Variants in EFCAB14 observed in about 807,000 individuals in gnomAD.
The protein encoded by EFCAB14 is EF-hand calcium-binding domain-containing protein 14.
Under a neutral mutation model 56.5 loss-of-function variants are expected in EFCAB14, and 43 were observed. That is an observed-to-expected ratio of 0.76 (90% confidence interval 0.60 to 0.98). EFCAB14 has a LOEUF of 0.98. EFCAB14 is among the 50% of genes least tolerant of loss of function. The probability of loss-of-function intolerance (pLI) is 0.00; values close to 1 mark genes in which losing one functional copy is unlikely to be tolerated. For missense variants in EFCAB14, 538 were observed against 580.3 expected (o/e 0.93, Z 0.75); for synonymous variants, 235 against 212.9 (o/e 1.10, Z -0.90).
intron 3 of EFCAB14, among the ~76,000 whole-genome samples, chr1:46,706,690 A>C (rs887379641): frequency 5.9e-5 from 9 of 152,112 alleles, no homozygotes; most frequent in African/African-American, 2.2e-4. Context: ...CCTTTTTGCA[A>C]AAAAGGGGTG....
intron 9 of EFCAB14, 136 bp from the exon 10 acceptor site, chr1:46,683,561 G>C: frequency 1.1e-6 from 1 of 946,168 alleles, no homozygotes; most frequent in South Asian, 1.8e-5. Flanking sequence ...GTAGCATAGT[G>C]ACTATGTGAA....
At chr1:46,698,033 G>A (rs1326401592) in intron 3 of EFCAB14, among the ~76,000 whole-genome samples, 1 of 151,962 alleles carries the variant, frequency 6.6e-6, no homozygotes, top group Non-Finnish European at 1.5e-5. Context: ...TGCATTTTTA[G>A]TAAAGATAGG....
chr1:46,683,623 A>G (rs1676832149), intron 9 of EFCAB14, among the ~76,000 whole-genome samples, 198 bp from the exon 10 acceptor site: 1 of 152,224 alleles, frequency 6.6e-6, no homozygotes, highest in Non-Finnish European at 1.5e-5. Context: ...ACCAATCAGT[A>G]TTATATTACG....
rs1442861274 is a variant in EFCAB14, at chr1:46,708,005, A to C, written c.381T>G (p.Asn127Lys). 4.3e-6 allele frequency: 7 copies of C among 1,612,652 alleles called. No homozygotes were observed. The highest frequency in any genetic ancestry group is 5.9e-6 in the Non-Finnish European group (7 of 1,179,684). Residue 127 changes from asparagine (N) to lysine (K), a missense_variant, in exon 3 of 11, where the codon AAT (asparagine) becomes AAG (lysine). Physicochemically the swap from Asn to Lys is moderately conservative, Grantham distance 94. Transcript: ENST00000371933. ...KSSFQEIPKLNEELLSKQKQL... is the reference protein window; with the variant it reads ...KSSFQEIPKLKEELLSKQKQL... ...GTTTTTGCTTGCTGAGTAGTTCTTC[A>C]TTAAGTTTGGGGATTTCTTGGAATG...
intron 3 of EFCAB14, among the ~76,000 whole-genome samples, chr1:46,697,132 A>T (rs1207542900): frequency 6.6e-6 from 1 of 152,212 alleles, no homozygotes; most frequent in African/African-American, 2.4e-5. Flanking sequence ...GTCTACAGGA[A>T]CTGCACTCTG....
In EFCAB14 at chr1:46,708,331, C is replaced by T. The variant is rs557727740; in HGVS notation, c.335-280G>A. Among the ~76,000 whole-genome samples the T allele has an allele frequency of 1.5e-4, 23 of 152,310 alleles. No homozygotes were observed. In the South Asian group the frequency reaches 4.8e-3, roughly 32 times the overall value. ...CTTTGAATCTCAATTTTGTGACTCA[C>T]TATGATCTTGAGCAAATTACTCAAA... On this transcript the variant is annotated intron_variant, in intron 2 of 10. Transcript: ENST00000371933.
At chr1:46,698,459 C>G (rs1329488335) in intron 3 of EFCAB14, among the ~76,000 whole-genome samples, 1 of 151,820 alleles carries the variant, frequency 6.6e-6, no homozygotes, top group Non-Finnish European at 1.5e-5. Flanking sequence ...GTGGGAAGCA[C>G]TAGAAAAAAA....
At position 46,701,318 on chromosome 1, in the gene EFCAB14, G is replaced by A. The variant is rs556054897; in HGVS notation, c.481-4669C>T. ...TCCTGCCCCAGGTATGTTTTCCTTA[G>A]TGCCCCAAAGTATGTACACAGTTGG... On this transcript the variant is annotated intron_variant, in intron 3 of 10. Coordinates refer to ENST00000371933, the MANE Select transcript of EFCAB14 (RefSeq NM_014774.3). 2.0e-5 allele frequency among the ~76,000 whole-genome samples: 3 copies of A among 152,196 alleles called. No individual in the cohort carries two copies. In the South Asian group the frequency reaches 6.2e-4, roughly 32 times the overall value.
At chr1:46,701,127 T>G (rs1209101389) in intron 3 of EFCAB14, among the ~76,000 whole-genome samples, 1 of 152,074 alleles carries the variant, frequency 6.6e-6, no homozygotes, top group Non-Finnish European at 1.5e-5. Context: ...CTTAAGAAAT[T>G]TTTAAAAAGA....
intron 2 of EFCAB14, among the ~76,000 whole-genome samples, chr1:46,715,996 C>T (rs1677382684): frequency 6.6e-6 from 1 of 152,002 alleles, no homozygotes; most frequent in African/African-American, 2.4e-5. Context: ...GCCTGTAATC[C>T]TGGCACTTTG....
At chr1:46,701,343 G>A (rs1677154846) in intron 3 of EFCAB14, among the ~76,000 whole-genome samples, 1 of 152,118 alleles carries the variant, frequency 6.6e-6, no homozygotes, top group African/African-American at 2.4e-5. Context: ...TACACAGTTG[G>A]TTCAAGATCA....
chr1:46,705,781 G>A (rs1189698456), intron 3 of EFCAB14, among the ~76,000 whole-genome samples: 1 of 152,054 alleles, frequency 6.6e-6, no homozygotes, highest in Non-Finnish European at 1.5e-5. Flanking sequence ...TTATTTCAAT[G>A]TTGAATACTA....
At chr1:46,692,556 A>G (rs1677009744) in intron 4 of EFCAB14, among the ~76,000 whole-genome samples, 2 of 152,122 alleles carry the variant, frequency 1.3e-5, no homozygotes, top group Admixed American at 1.3e-4. Context: ...ATGTTCTAAA[A>G]TGGTTATGCC....
chr1:46,695,585 C>G (rs1304766151), intron 4 of EFCAB14, among the ~76,000 whole-genome samples: 1 of 152,148 alleles, frequency 6.6e-6, no homozygotes, highest in Non-Finnish European at 1.5e-5. Context: ...TTCAAAGATC[C>G]TAGATTTGAT....
intron 10 of EFCAB14, 139 bp downstream of exon 10, chr1:46,683,160 CA>C (rs1286115187): frequency 1.1e-6 from 1 of 908,624 alleles, no homozygotes; most frequent in Non-Finnish European, 1.6e-6. Context: ...GATTATATGA[CA>C]TAATGCATAT....
chr1:46,701,698 G>A (rs1441487152), intron 3 of EFCAB14, among the ~76,000 whole-genome samples: 1 of 152,204 alleles, frequency 6.6e-6, no homozygotes, highest in Non-Finnish European at 1.5e-5. Flanking sequence ...TCTCTGTGCT[G>A]CAAACACTCT....
At chr1:46,692,084 T>C in intron 4 of EFCAB14, 147 bp from the exon 5 acceptor site, 1 of 559,666 alleles carries the variant, frequency 1.8e-6, no homozygotes, top group South Asian at 2.7e-5. Context: ...TAATAAACAC[T>C]CATCACCTCT....
intron 3 of EFCAB14, among the ~76,000 whole-genome samples, chr1:46,698,535 C>G (rs886760705): frequency 6.6e-5 from 10 of 152,004 alleles, no homozygotes; most frequent in African/African-American, 2.4e-4. Context: ...TCTGAGGAGG[C>G]CTCTGTAAGG....
intron 2 of EFCAB14, among the ~76,000 whole-genome samples, chr1:46,714,152 T>C (rs1313761454): frequency 6.6e-6 from 1 of 152,130 alleles, no homozygotes; most frequent in Non-Finnish European, 1.5e-5. Flanking sequence ...GGTTCAAAAC[T>C]TGAGTAACTG....
Sources: allele counts gnomAD v4.1 joint callset (sites outside exome capture counted in the v4.1 genomes callset), GRCh38; gene constraint gnomAD v4.1.1; transcripts MANE v1.5; gene names NCBI Gene and HGNC (gene_info 2026-07-23, HGNC 2026-07-21).